Variants in RIPOR2 observed in about 807,000 individuals in gnomAD.
The protein encoded by RIPOR2 is RHO family interacting cell polarization regulator 2.
A neutral mutation model predicts 114.5 loss-of-function variants in RIPOR2; 39 were observed. The ratio of observed to expected loss-of-function variants is 0.34; its 90% CI spans 0.26 to 0.44. RIPOR2 has a LOEUF of 0.44. Ranked by LOEUF, RIPOR2 falls within the 20% of genes least tolerant of loss-of-function variation. The pLI is 1.00. For synonymous variants in RIPOR2, 445 were observed against 484.4 expected, an observed-to-expected ratio of 0.92 and a Z score of 1.07; for missense variants, 1,007 against 1,255.1, an observed-to-expected ratio of 0.80 and a Z score of 2.99.
intron 1 of RIPOR2, among the ~76,000 whole-genome samples, chr6:24,995,831 T>C (rs1775020349): frequency 6.7e-6 from 1 of 148,384 alleles, no homozygotes; most frequent in Non-Finnish European, 1.5e-5. Context: ...AGATGGAATC[T>C]CGCTCTGTCG....
intron 1 of RIPOR2, among the ~76,000 whole-genome samples, chr6:24,955,459 C>A (rs925458888): frequency 6.6e-6 from 1 of 151,924 alleles, no homozygotes; most frequent in Non-Finnish European, 1.5e-5. Flanking sequence ...AGGCCCCTCA[C>A]CCCTGCTCAC....
chr6:24,888,337 G>A (rs2113958217), intron 1 of RIPOR2, among the ~76,000 whole-genome samples: 1 of 152,258 alleles, frequency 6.6e-6, no homozygotes, highest in Non-Finnish European at 1.5e-5. Context: ...TTTCCCTAGA[G>A]CTTGGCAACT....
intron 1 of RIPOR2, among the ~76,000 whole-genome samples, chr6:24,904,942 T>C (rs1241265876): frequency 1.3e-5 from 2 of 152,062 alleles, no homozygotes; most frequent in Non-Finnish European, 1.5e-5. Context: ...GCCCAGCTAA[T>C]TTTTGTATTT....
chr6:24,826,695 T>C lies in RIPOR2; in HGVS notation c.2666-1267A>G, dbSNP rs1235631216. Among the ~76,000 whole-genome samples the C allele has an allele frequency of 3.9e-5, 6 of 152,244 alleles. No individual in the cohort carries two copies. The East Asian group carries it at 9.7e-4, about 25-fold the overall frequency. ...TAGTATACATTCAAATGCGGAACTA[T>C]TAATCTCATAACTAATATAATCTAA... On this transcript the variant is annotated intron_variant, in intron 18 of 21. Coordinates refer to ENST00000643898, the MANE Select transcript of RIPOR2 (RefSeq NM_001286445.3).
intron 1 of RIPOR2, among the ~76,000 whole-genome samples, chr6:24,915,386 G>A (rs774250914): frequency 7.2e-5 from 10 of 138,592 alleles, no homozygotes; most frequent in Admixed American, 1.5e-4. Context: ...ATGGAGTCTC[G>A]CTCTGTCACC....
intron 1 of RIPOR2, chr6:24,932,077 TA>T (rs1354758199): frequency 6.6e-6 from 1 of 152,236 alleles, no homozygotes; most frequent in Non-Finnish European, 1.5e-5. Context: ...CCCATCCAGT[TA>T]TTTCCACTAA....
chr6:24,958,173 A>G (rs1014006577), intron 1 of RIPOR2, among the ~76,000 whole-genome samples: 2 of 152,246 alleles, frequency 1.3e-5, no homozygotes, highest in Non-Finnish European at 2.9e-5. Context: ...GCAATGAAAC[A>G]CTATAGAACA....
At chr6:25,011,425 C>A (rs534029514) in intron 1 of RIPOR2, among the ~76,000 whole-genome samples, 5 of 152,270 alleles carry the variant, frequency 3.3e-5, no homozygotes, top group Middle Eastern at 3.4e-3. Flanking sequence ...GCATCACTGC[C>A]ACATTACTTT....
At chr6:24,862,015 G>A (rs1292689184) in intron 7 of RIPOR2, among the ~76,000 whole-genome samples, 1 of 152,164 alleles carries the variant, frequency 6.6e-6, no homozygotes, top group Non-Finnish European at 1.5e-5. Context: ...ATTATTTTTG[G>A]GTCTGACAAG....
Position 24,815,574 on chromosome 6 carries a change from C to G in RIPOR2, c.2952+2968G>C, listed in dbSNP as rs1225031264. On this transcript the variant is annotated intron_variant, in intron 20 of 21. Coordinates refer to ENST00000643898, the MANE Select transcript of RIPOR2 (RefSeq NM_001286445.3). ...CCTTTTATTTTGAGCCTATGTGTGT[C>G]TCTGCACGTGAGATGGGTTTCCTGA... 1.8e-3 allele frequency among the ~76,000 whole-genome samples: 32 copies of G among 18,030 alleles called. 5 individuals carry two copies. The highest frequency in any genetic ancestry group is 4.2e-3 in the African/African-American group (32 of 7,606). The allele number at this position is 18,030 out of a possible 152,430, so 11.8% of individuals were successfully genotyped here.
chr6:24,968,160 C>A (rs1218152906), intron 1 of RIPOR2, among the ~76,000 whole-genome samples: 1 of 152,106 alleles, frequency 6.6e-6, no homozygotes, highest in African/African-American at 2.4e-5. Flanking sequence ...CCCGCCTCAG[C>A]CTCCGAAAGT....
At chr6:25,013,682 A>G (rs755817689) in intron 1 of RIPOR2, among the ~76,000 whole-genome samples, 7 of 152,182 alleles carry the variant, frequency 4.6e-5, no homozygotes, top group Non-Finnish European at 8.8e-5. Context: ...CTGATATACT[A>G]CAAGTTTGTG....
intron 16 of RIPOR2, among the ~76,000 whole-genome samples, chr6:24,831,600 G>A (rs549614694): frequency 6.6e-6 from 1 of 152,306 alleles, no homozygotes; most frequent in Non-Finnish European, 1.5e-5. Flanking sequence ...CTTCTAGTGG[G>A]AATGGATGTG....
At chr6:24,998,682 G>A (rs982446854) in intron 1 of RIPOR2, among the ~76,000 whole-genome samples, 1 of 150,882 alleles carries the variant, frequency 6.6e-6, no homozygotes, top group Non-Finnish European at 1.5e-5. Flanking sequence ...TATAGACTAT[G>A]GGCAAAAAAA....
chr6:24,927,260 C>CTA (rs2114132434), intron 1 of RIPOR2, among the ~76,000 whole-genome samples: 4 of 19,748 alleles, frequency 2.0e-4, no homozygotes, highest in African/African-American at 4.5e-4. Context: ...ACCACCACCA[C>CTA]CACCACAGCT....
At chr6:24,829,341 A>G (rs1382615816) in intron 17 of RIPOR2, among the ~76,000 whole-genome samples, 1 of 151,842 alleles carries the variant, frequency 6.6e-6, no homozygotes, top group Non-Finnish European at 1.5e-5. Flanking sequence ...TAATTAAAAA[A>G]AATTGCTGGC....
chr6:24,932,437 T>TCC, intron 1 of RIPOR2, among the ~76,000 whole-genome samples: 1 of 144,666 alleles, frequency 6.9e-6, no homozygotes, highest in African/African-American at 2.8e-5. Context: ...TCCCTTTTCT[T>TCC]TCTGTCTCTC....
intron 1 of RIPOR2, among the ~76,000 whole-genome samples, chr6:24,985,700 T>A (rs1297671743): frequency 6.6e-6 from 1 of 152,168 alleles, no homozygotes; most frequent in East Asian, 1.9e-4. Context: ...CCCTGGTTGA[T>A]GTAAATCCTA....
chr6:24,994,707 A>C (rs1483990948), intron 1 of RIPOR2, among the ~76,000 whole-genome samples: 1 of 152,108 alleles, frequency 6.6e-6, no homozygotes, highest in Non-Finnish European at 1.5e-5. Context: ...CCTGGGGTGG[A>C]ACAATGTTCC....
Sources: gnomAD v4.1 joint callset for allele counts (sites outside exome capture counted in the v4.1 genomes callset) on GRCh38, gnomAD v4.1.1 for gene constraint, MANE v1.5 for transcripts, NCBI Gene and HGNC (gene_info 2026-07-23, HGNC 2026-07-21) for gene names.